The following TSPAN9 variants were observed in gnomAD, a reference collection of about 807,000 sequenced individuals.
TSPAN9 encodes the protein tetraspanin-9.
Under a neutral mutation model 31.0 loss-of-function variants are expected in TSPAN9, and 16 were observed. The ratio of observed to expected loss-of-function variants is 0.52; its 90% CI spans 0.35 to 0.78. The LOEUF (loss-of-function observed/expected upper bound fraction) is 0.78, where lower values mean the gene tolerates loss of function less well. Among genes scored for constraint, TSPAN9 ranks in the 30% least tolerant of loss-of-function variants. The pLI, the probability that TSPAN9 is intolerant of heterozygous loss-of-function variation, is 0.01. For missense variants in TSPAN9, 272 were observed against 312.5 expected, an observed-to-expected ratio of 0.87 and a Z score of 0.98; for synonymous variants, 145 against 121.6, an observed-to-expected ratio of 1.19 and a Z score of -1.27.
rs967047161 is a variant in TSPAN9 at position 3,272,910 on chromosome 12, G to A, written c.64-5511G>A. The A allele has an allele frequency of 2.6e-5, 4 of 152,290 alleles. No individual in the cohort carries two copies. The East Asian group carries it at 7.7e-4, about 29-fold the overall frequency. The allele number at this position is 152,290 out of a possible 1,614,324, so 9.4% of individuals were successfully genotyped here. A position where few individuals can be genotyped will look rare whatever the true frequency, so the allele number is the denominator to read the frequency against. On this transcript the variant is annotated intron_variant, in intron 3 of 8. Coordinates refer to ENST00000011898, the MANE Select transcript of TSPAN9 (RefSeq NM_006675.5). ...TCAAACTGAAGACAAGGAAGACACC[G>A]TGGGGATATTAGCTAACTACAAGAC...
At chr12:3,228,350 G>A (rs901042747) in intron 3 of TSPAN9, among the ~76,000 whole-genome samples, 1 of 152,192 alleles carries the variant, frequency 6.6e-6, no homozygotes, top group Admixed American at 6.5e-5. Context: ...GAACAACAGA[G>A]CCAGACCCTC....
rs139046838 is a variant in TSPAN9 at position 3,104,393 on chromosome 12, C to T, written c.-18+20674C>T. On this transcript the variant is annotated intron_variant, in intron 2 of 8. Coordinates refer to ENST00000011898, the MANE Select transcript of TSPAN9 (RefSeq NM_006675.5). The stretch of plus-strand genomic sequence containing the variant: ...TTTGAGGTAGGGTCTCACTCTGTCA[C>T]CCAGGCTGGAGTCCGGTGGCATGAT... Among the ~76,000 whole-genome samples the T allele has an allele frequency of 3.6e-3, 545 of 151,950 alleles. 1 individual carries two copies. The highest frequency in any genetic ancestry group is 5.9e-3 in the Admixed American group (90 of 15,276).
At chr12:3,255,793 A>C (rs1307399811) in intron 3 of TSPAN9, among the ~76,000 whole-genome samples, 1 of 152,204 alleles carries the variant, frequency 6.6e-6, no homozygotes, top group Non-Finnish European at 1.5e-5. Flanking sequence ...TGAACCCATG[A>C]GGGTTTGGCT....
chr12:3,264,663 G>T (rs768381394), intron 3 of TSPAN9, among the ~76,000 whole-genome samples: 1 of 152,218 alleles, frequency 6.6e-6, no homozygotes, highest in Non-Finnish European at 1.5e-5. Flanking sequence ...ACAGGCTCCC[G>T]ACTCACGGCT....
rs2098308264 is a variant in TSPAN9, at chr12:3,095,827, G to T, written c.-18+12108G>T. ...ACTTCCTAGATGGGATGGCGGCCGG[G>T]CGGAGACGCTCCTCACTTTCCAGAC... On this transcript the variant is annotated intron_variant, in intron 2 of 8. Transcript: ENST00000011898. 2.0e-5 allele frequency among the ~76,000 whole-genome samples: 3 copies of T among 147,684 alleles called. No homozygotes were observed. In the South Asian group the frequency reaches 6.8e-4, roughly 33 times the overall value.
At chr12:3,113,645 C>A (rs1164765925) in intron 2 of TSPAN9, among the ~76,000 whole-genome samples, 3 of 152,162 alleles carry the variant, frequency 2.0e-5, no homozygotes, top group Admixed American at 6.5e-5. Flanking sequence ...TTCTCAGTCC[C>A]CTTCCCACAT....
At chr12:3,219,825 A>G (rs1379400472) in intron 3 of TSPAN9, among the ~76,000 whole-genome samples, 2 of 144,948 alleles carry the variant, frequency 1.4e-5, no homozygotes, top group Admixed American at 1.4e-4. Context: ...CATTCTGCAC[A>G]TGTGTCCCAG....
At chr12:3,233,801 C>G (rs576130286) in intron 3 of TSPAN9, among the ~76,000 whole-genome samples, 2 of 152,210 alleles carry the variant, frequency 1.3e-5, no homozygotes, top group Non-Finnish European at 2.9e-5. Context: ...AGGAGTTTTC[C>G]TCTTTTGAGA....
chr12:3,099,880 C>T (rs1298190041), intron 2 of TSPAN9, among the ~76,000 whole-genome samples: 1 of 138,592 alleles, frequency 7.2e-6, no homozygotes, highest in Non-Finnish European at 1.5e-5. Flanking sequence ...CTTGCTCTGT[C>T]GCCCAGGCTG....
At chr12:3,279,594 C>T (rs1039486611) in intron 5 of TSPAN9, among the ~76,000 whole-genome samples, 29 of 152,218 alleles carry the variant, frequency 1.9e-4, no homozygotes, top group Non-Finnish European at 1.5e-5. Flanking sequence ...CCCCTGTAAC[C>T]TCGCCAGGCT....
intron 3 of TSPAN9, among the ~76,000 whole-genome samples, chr12:3,270,279 G>A (rs774829653): frequency 4.6e-5 from 7 of 152,130 alleles, no homozygotes; most frequent in African/African-American, 9.7e-5. Context: ...ATGGAGGTGC[G>A]GGAGGTGACC....
At chr12:3,232,671 T>G (rs2098391378) in intron 3 of TSPAN9, among the ~76,000 whole-genome samples, 1 of 152,206 alleles carries the variant, frequency 6.6e-6, no homozygotes, top group African/African-American at 2.4e-5. Context: ...GCTGTTTGTT[T>G]AACAAGGTCC....
intron 3 of TSPAN9, among the ~76,000 whole-genome samples, chr12:3,234,664 G>A (rs2153976423): frequency 6.6e-6 from 1 of 152,302 alleles, no homozygotes; most frequent in Non-Finnish European, 1.5e-5. Context: ...CAGTCAGAGT[G>A]GAAGCGTGGA....
intron 2 of TSPAN9, among the ~76,000 whole-genome samples, chr12:3,133,202 C>T (rs2098330574): frequency 6.6e-6 from 1 of 152,082 alleles, no homozygotes; most frequent in East Asian, 1.9e-4. Context: ...CACCATCTGC[C>T]TCCGTGCACA....
chr12:3,236,676 T>C (rs1591696853), intron 3 of TSPAN9, among the ~76,000 whole-genome samples: 1 of 152,024 alleles, frequency 6.6e-6, no homozygotes, highest in South Asian at 2.1e-4. Flanking sequence ...AAGAGACGAG[T>C]AAGCCTGGGT....
chr12:3,222,401 G>A (rs1457759262), intron 3 of TSPAN9, among the ~76,000 whole-genome samples: 1 of 152,202 alleles, frequency 6.6e-6, no homozygotes, highest in Non-Finnish European at 1.5e-5. Flanking sequence ...GTAGCAGAGG[G>A]ATGAGCAGCA....
intron 2 of TSPAN9, among the ~76,000 whole-genome samples, chr12:3,109,938 A>C (rs1286262824): frequency 6.6e-6 from 1 of 152,154 alleles, no homozygotes; most frequent in Middle Eastern, 3.2e-3. Flanking sequence ...TGAATCCTAA[A>C]GCATCAGCAA....
intron 2 of TSPAN9, among the ~76,000 whole-genome samples, chr12:3,122,701 T>C (rs985400873): frequency 2.0e-5 from 3 of 152,154 alleles, no homozygotes; most frequent in African/African-American, 7.2e-5. Context: ...TGCAGGGAGG[T>C]GGCGTCCACT....
intron 1 of TSPAN9, among the ~76,000 whole-genome samples, chr12:3,079,820 T>C (rs907196971): frequency 2.7e-5 from 4 of 150,824 alleles, no homozygotes; most frequent in Non-Finnish European, 5.9e-5. Flanking sequence ...TTGCCTGGGC[T>C]GGAGCACAGG....
Sources: gnomAD v4.1 joint callset for allele counts (sites outside exome capture counted in the v4.1 genomes callset) on GRCh38, gnomAD v4.1.1 for gene constraint, MANE v1.5 for transcripts, NCBI Gene and HGNC (gene_info 2026-07-23, HGNC 2026-07-21) for gene names.